The following VIPR2 variants were observed in gnomAD, a reference collection of about 807,000 sequenced individuals.
VIPR2 encodes the protein vasoactive intestinal polypeptide receptor 2.
Under a neutral mutation model 58.0 loss-of-function variants are expected in VIPR2, and 48 were observed. The ratio of observed to expected loss-of-function variants is 0.83; its 90% confidence interval spans 0.66 to 1.05. The LOEUF is 1.05. VIPR2 is among the 50% of genes least tolerant of loss of function. VIPR2 has a pLI of 0.00. For synonymous variants in VIPR2, 243 were observed against 235.2 expected (o/e 1.03, Z -0.30); for missense variants, 534 against 558.0 (o/e 0.96, Z 0.43).
chr7:159,045,255 T>A (rs1474110681), intron 5 of VIPR2, among the ~76,000 whole-genome samples: 1 of 152,176 alleles, frequency 6.6e-6, no homozygotes, highest in Admixed American at 6.5e-5. Context: ...AAAATGATGA[T>A]CCTGAAGTCA....
At chr7:159,035,625 AAAC>A (rs1853891270) in intron 8 of VIPR2, 1 of 945,906 alleles carries the variant, frequency 1.1e-6, no homozygotes, top group Non-Finnish European at 1.3e-6. Context: ...TGCTCCGGGT[AAAC>A]AACATGCAGG....
chr7:159,117,917 T>C (rs1184134251), intron 2 of VIPR2, among the ~76,000 whole-genome samples: 1 of 152,190 alleles, frequency 6.6e-6, no homozygotes, highest in Non-Finnish European at 1.5e-5. Context: ...GGATGACAGC[T>C]TGCCTCCAAC....
At chr7:159,126,762 TTGA>T (rs1796664270) in intron 2 of VIPR2, among the ~76,000 whole-genome samples, 1 of 152,210 alleles carries the variant, frequency 6.6e-6, no homozygotes, top group Non-Finnish European at 1.5e-5. Flanking sequence ...CAGGCTGCTC[TTGA>T]TGATTCAGCA....
chr7:159,138,896 T>C (rs926491175), intron 2 of VIPR2, among the ~76,000 whole-genome samples: 1 of 152,248 alleles, frequency 6.6e-6, no homozygotes, highest in Non-Finnish European at 1.5e-5. Context: ...ATTAATTTGT[T>C]CAGCAAAAGC....
chr7:159,037,626 A>T (rs543310083), intron 6 of VIPR2, among the ~76,000 whole-genome samples: 1 of 152,356 alleles, frequency 6.6e-6, no homozygotes, highest in South Asian at 2.1e-4. Context: ...AAAACAAGAG[A>T]AATCTAGCAA....
intron 10 of VIPR2, 43 bp downstream of exon 10, chr7:159,034,170 C>G (rs745396411): frequency 6.3e-7 from 1 of 1,593,222 alleles, no homozygotes; most frequent in African/African-American, 1.3e-5. Flanking sequence ...TGTCTCCACA[C>G]GGCATCCCCA....
At chr7:159,037,518 C>A (rs1854052134) in intron 6 of VIPR2, among the ~76,000 whole-genome samples, 1 of 151,730 alleles carries the variant, frequency 6.6e-6, no homozygotes. Flanking sequence ...AGGCCCCAGA[C>A]TTTTTTTTTA....
rs1381526053 is a variant in VIPR2, at chr7:159,031,726, C to T, written c.1143+102G>A. On this transcript the variant is annotated intron_variant, in intron 12 of 12. Transcript: ENST00000262178. The surrounding 1 kb of genome is among the most constrained non-coding windows in gnomAD (Gnocchi z 4.0). ...GGGGTCCCGGGCAGTAACTCGAGCC[C>T]GCGGAAGACAGGCATGTGTGGGGGC... 10 of 1,595,274 alleles carry T rather than the reference C, an allele frequency of 6.3e-6. No individual in the cohort carries two copies. The highest frequency in any genetic ancestry group is 1.1e-5 in the South Asian group (1 of 89,076).
At chr7:159,035,763 C>A in intron 8 of VIPR2, 189 bp downstream of exon 8, 1 of 985,474 alleles carries the variant, frequency 1.0e-6, no homozygotes, top group Non-Finnish European at 1.2e-6. Context: ...CTGCACGGGG[C>A]TTCCTCCAAC....
chr7:159,033,392 G>A (rs1045852804), intron 10 of VIPR2, among the ~76,000 whole-genome samples: 4 of 152,130 alleles, frequency 2.6e-5, no homozygotes, highest in Admixed American at 2.6e-4. Flanking sequence ...TCCACCCCCG[G>A]TCAGTCTGAG....
At chr7:159,064,607 G>C (rs1855977615) in intron 4 of VIPR2, among the ~76,000 whole-genome samples, 1 of 152,132 alleles carries the variant, frequency 6.6e-6, no homozygotes, top group South Asian at 2.1e-4. Context: ...ACAGGGCCTG[G>C]GTTTGGGTCC....
intron 3 of VIPR2, among the ~76,000 whole-genome samples, chr7:159,104,112 G>GT (rs989185953): frequency 2.0e-5 from 3 of 152,292 alleles, no homozygotes; most frequent in African/African-American, 7.2e-5. Context: ...TACCGCAACT[G>GT]TAAGTGTAGT....
At chr7:159,136,373 C>G (rs1392623731) in intron 2 of VIPR2, among the ~76,000 whole-genome samples, 5 of 152,176 alleles carry the variant, frequency 3.3e-5, no homozygotes, top group Non-Finnish European at 7.3e-5. Flanking sequence ...AGGCCCGTCT[C>G]TCAATACTAC....
At chr7:159,059,221 A>C (rs534831180) in intron 4 of VIPR2, 1 of 470,970 alleles carries the variant, frequency 2.1e-6, no homozygotes, top group African/African-American at 2.0e-5. Context: ...GGAATCCTAC[A>C]CAAAAAGAAC....
intron 2 of VIPR2, among the ~76,000 whole-genome samples, chr7:159,124,140 CTTTAG>C (rs1796574183): frequency 1.3e-5 from 2 of 152,152 alleles, no homozygotes; most frequent in African/African-American, 2.4e-5. Context: ...TGCAGAAGCT[CTTTAG>C]TTTAATTAGA....
intron 6 of VIPR2, among the ~76,000 whole-genome samples, chr7:159,041,480 C>A (rs1344499642): frequency 7.8e-6 from 1 of 128,778 alleles, no homozygotes; most frequent in Admixed American, 8.1e-5. Flanking sequence ...CGGGTCACTG[C>A]TTTCCATGTC....
rs1419021323 is a variant in VIPR2 at position 159,043,060 on chromosome 7, T to C, written c.572A>G (p.His191Arg). 1.2e-6 allele frequency: 2 copies of C among 1,614,130 alleles called. No homozygotes were observed. The highest frequency in any genetic ancestry group is 1.7e-6 in the Non-Finnish European group (2 of 1,180,004). The change falls in exon 6 of 13, where the codon CAC becomes CGC. Residue 191 changes from histidine (H) to arginine (R), a missense_variant. Around this residue, in one of 3 missense-constraint regions of VIPR2, gnomAD observed 224 missense variants for 255.7 expected, o/e 0.88. Transcript: ENST00000262178. ...DVLYSSSGTL[H>R]CPDQPSSWVG... ...CCAGGAGGATGGCTGGTCAGGGCAG[T>C]GCAACGTGCCAGAGCTGGAGTAGAG...
chr7:159,042,921 G>A, intron 6 of VIPR2, 114 bp downstream of exon 6: 1 of 1,363,486 alleles, frequency 7.3e-7, no homozygotes, highest in Non-Finnish European at 9.8e-7. Flanking sequence ...TCTCAGCCAT[G>A]ACCCTGTGCC....
Position 159,043,065 on chromosome 7 carries a change from C to T in VIPR2, c.567G>A (p.Thr189=), listed in dbSNP as rs746512336. ...AGGATGGCTGGTCAGGGCAGTGCAACGTGCCAGAGCTGGAGTAGAGAACGT... is the reference window on the plus strand; with the variant it reads ...AGGATGGCTGGTCAGGGCAGTGCAATGTGCCAGAGCTGGAGTAGAGAACGT... ...KDDVLYSSSG[T]LHCPDQPSSW... Residue 189 remains threonine (T), a synonymous_variant, in exon 6 of 13, where the codon ACG becomes ACA. Transcript: ENST00000262178. The T allele has an allele frequency of 9.3e-6, 15 of 1,613,990 alleles. No individual in the cohort carries two copies. The highest frequency in any genetic ancestry group is 5.0e-5 in the Admixed American group (3 of 60,002).
Sources: gnomAD v4.1 joint callset for allele counts (sites outside exome capture counted in the v4.1 genomes callset) on GRCh38, gnomAD v4.1.1 for gene constraint, gnomAD v4.1.1 regional missense constraint, Gnocchi (gnomAD v3.1) non-coding constraint, MANE v1.5 for transcripts, NCBI Gene and HGNC (gene_info 2026-07-23, HGNC 2026-07-21) for gene names.